PCDH9: variants seen among roughly 807,000 people sequenced by gnomAD.
PCDH9 encodes protocadherin-9.
PCDH9 carries 24 observed loss-of-function variants against 70.6 expected under a neutral mutation model. The ratio of observed to expected loss-of-function variants is 0.34; its 90% CI spans 0.25 to 0.48. The LOEUF is 0.48. Ranked by LOEUF, PCDH9 falls within the 20% of genes least tolerant of loss-of-function variation. PCDH9 has a pLI of 0.99. For missense variants in PCDH9, 1,281 were observed against 1,503.6 expected, an observed-to-expected ratio of 0.85 and a Z score of 2.45; for synonymous variants, 562 against 558.5, an observed-to-expected ratio of 1.01 and a Z score of -0.09.
intron 4 of PCDH9, among the ~76,000 whole-genome samples, chr13:66,459,769 A>C (rs1958388473): frequency 6.6e-6 from 1 of 151,986 alleles, no homozygotes. Context: ...GCATCTAATA[A>C]ATATCTGCAT....
At chr13:66,839,517 G>A (rs957395848) in intron 3 of PCDH9, among the ~76,000 whole-genome samples, 4 of 152,204 alleles carry the variant, frequency 2.6e-5, no homozygotes, top group Admixed American at 2.6e-4. Flanking sequence ...CCTGTGCGAT[G>A]GGTACTTGCA....
In PCDH9 at chr13:67,150,366, G is replaced by GTTGGTT; in HGVS notation, c.3036+75038_3036+75039insAACCAA. Among the ~76,000 whole-genome samples, 3 of 152,174 alleles carry GTTGGTT rather than the reference G, an allele frequency of 2.0e-5. 1 individual carries two copies. The South Asian group carries it at 6.2e-4, about 32-fold the overall frequency. On this transcript the variant is annotated intron_variant, in intron 2 of 4. Coordinates refer to ENST00000377865, the MANE Select transcript of PCDH9 (RefSeq NM_203487.3). The stretch of plus-strand genomic sequence containing the variant: ...ATTTGAGTTTTAATCAATACAAAAA[G>GTTGGTT]CCCAAAGTGTTGGTTTCCATACAAG...
chr13:66,754,187 C>CA lies in PCDH9; in HGVS notation c.3139-122777dup, dbSNP rs375974779. ...GAGTTGAACAATGAGAACACATAGGCACAGGGAGGGGAACATCACGCACCT... is the reference window on the plus strand; with the variant it reads ...GAGTTGAACAATGAGAACACATAGGCAACAGGGAGGGGAACATCACGCACCT... On this transcript the variant is annotated intron_variant, in intron 3 of 4. Transcript: ENST00000377865. 5.2e-3 allele frequency among the ~76,000 whole-genome samples: 794 copies of CA among 152,034 alleles called. 6 individuals carry two copies. Among genetic ancestry groups the CA allele is most frequent in the African/African-American group, 0.019 (775 of 41,480 alleles).
intron 2 of PCDH9, among the ~76,000 whole-genome samples, chr13:67,176,715 A>C (rs1326885525): frequency 6.6e-6 from 1 of 152,148 alleles, no homozygotes; most frequent in East Asian, 1.9e-4. Flanking sequence ...AATTGTACCC[A>C]TCCCAATACC....
intron 2 of PCDH9, among the ~76,000 whole-genome samples, chr13:66,954,061 T>C (rs1024284633): frequency 6.6e-6 from 1 of 152,202 alleles, no homozygotes. Flanking sequence ...AAGCCTCTGA[T>C]TAGGCAGGGC....
intron 4 of PCDH9, among the ~76,000 whole-genome samples, chr13:66,441,291 C>A (rs1435422644): frequency 6.6e-6 from 1 of 152,056 alleles, no homozygotes; most frequent in African/African-American, 2.4e-5. Context: ...ACCAGTGTTT[C>A]CAAAAATTAC....
chr13:67,117,362 C>G (rs1452152078), intron 2 of PCDH9, among the ~76,000 whole-genome samples: 2 of 152,082 alleles, frequency 1.3e-5, no homozygotes, highest in Non-Finnish European at 2.9e-5. Flanking sequence ...CCCTTTCAGC[C>G]TTAAGGATCT....
intron 3 of PCDH9, among the ~76,000 whole-genome samples, chr13:66,834,243 C>T (rs1054221727): frequency 2.7e-5 from 4 of 150,674 alleles, no homozygotes; most frequent in South Asian, 2.1e-4. Context: ...CTGCAAACTC[C>T]GTCCCCCGAG....
chr13:67,128,029 G>C (rs1170154296), intron 2 of PCDH9, among the ~76,000 whole-genome samples: 1 of 152,096 alleles, frequency 6.6e-6, no homozygotes, highest in East Asian at 1.9e-4. Context: ...TAGCTTGTTA[G>C]ATAAGCTCTG....
At chr13:66,690,590 T>C (rs375500946) in intron 3 of PCDH9, among the ~76,000 whole-genome samples, 17 of 152,202 alleles carry the variant, frequency 1.1e-4, no homozygotes, top group Non-Finnish European at 4.4e-5. Context: ...GCTCTAACCA[T>C]AGCACACGTG....
chr13:67,216,637 G>T (rs1057058148), intron 2 of PCDH9: 5 of 132,148 alleles, frequency 3.8e-5, no homozygotes, highest in African/African-American at 1.4e-4. Context: ...AGCAAGAAAG[G>T]ACACATCATA....
chr13:66,975,210 A>G (rs971641149), intron 2 of PCDH9, among the ~76,000 whole-genome samples: 6 of 152,014 alleles, frequency 3.9e-5, no homozygotes, highest in Non-Finnish European at 7.4e-5. Flanking sequence ...AGAAATCTAA[A>G]TGACCTCAAA....
rs941504163 is a variant in PCDH9, at chr13:66,693,924, T to C, written c.3139-62513A>G. ...TATATTACAAGTCTTCAGCTACACA[T>C]TATCTCACAACTATAAGGTTGAAAT... On this transcript the variant is annotated intron_variant, in intron 3 of 4. Coordinates refer to ENST00000377865, the MANE Select transcript of PCDH9 (RefSeq NM_203487.3). Among the ~76,000 whole-genome samples, 11 of 152,278 alleles carry C rather than the reference T, an allele frequency of 7.2e-5. No individual in the cohort carries two copies. The East Asian group carries it at 2.1e-3, about 29-fold the overall frequency.
chr13:66,907,857 T>G (rs1471112554), intron 2 of PCDH9, among the ~76,000 whole-genome samples: 1 of 152,180 alleles, frequency 6.6e-6, no homozygotes, highest in Non-Finnish European at 1.5e-5. Flanking sequence ...TCAATAGCAC[T>G]TTCATAGAAG....
rs140950021 is a variant in PCDH9 at position 67,133,237 on chromosome 13, C to T, written c.3036+92168G>A. 1.5e-3 allele frequency among the ~76,000 whole-genome samples: 223 copies of T among 152,214 alleles called. 1 individual carries two copies. Among genetic ancestry groups the T allele is most frequent in the African/African-American group, 3.5e-3 (146 of 41,548 alleles). On this transcript the variant is annotated intron_variant, in intron 2 of 4. Coordinates refer to ENST00000377865, the MANE Select transcript of PCDH9 (RefSeq NM_203487.3). ...AAAAGAAGGGCACAGTAAGCCACTTCATAATTTTGATGGGCCTTAAACTGG... is the reference window on the plus strand; with the variant it reads ...AAAAGAAGGGCACAGTAAGCCACTTTATAATTTTGATGGGCCTTAAACTGG...
chr13:66,512,788 C>T (rs1418490412), intron 4 of PCDH9, among the ~76,000 whole-genome samples: 1 of 151,740 alleles, frequency 6.6e-6, no homozygotes, highest in Non-Finnish European at 1.5e-5. Context: ...CTCATTCTTT[C>T]ATTCTTTTCT....
rs1315204298 is a variant in PCDH9 at position 66,306,506 on chromosome 13, A to G, written c.3341-1478T>C. ...CCACTATACAATCATCCACGTAACC[A>G]AAAACCACTTGTACCCCAAAAACTA... is the stretch of plus-strand genomic sequence containing the variant. On this transcript the variant is annotated intron_variant, in intron 4 of 4. Coordinates refer to ENST00000377865, the MANE Select transcript of PCDH9 (RefSeq NM_203487.3). 2.0e-5 allele frequency among the ~76,000 whole-genome samples: 3 copies of G among 151,576 alleles called. No homozygotes were observed. In the Admixed American group the frequency reaches 2.0e-4, roughly 10 times the overall value.
intron 4 of PCDH9, among the ~76,000 whole-genome samples, chr13:66,487,528 T>C (rs1958964470): frequency 6.6e-6 from 1 of 152,198 alleles, no homozygotes; most frequent in African/African-American, 2.4e-5. Flanking sequence ...TTGTAACAAC[T>C]CTTCCATCAC....
At chr13:67,094,717 C>G (rs531815080) in intron 2 of PCDH9, among the ~76,000 whole-genome samples, 3 of 149,390 alleles carry the variant, frequency 2.0e-5, no homozygotes, top group Middle Eastern at 3.4e-3. Context: ...AGACTTTTTT[C>G]AAAAGAAGTA....
Sources: gnomAD v4.1 joint callset for allele counts (sites outside exome capture counted in the v4.1 genomes callset) on GRCh38, gnomAD v4.1.1 for gene constraint, MANE v1.5 for transcripts, NCBI Gene and HGNC (gene_info 2026-07-23, HGNC 2026-07-21) for gene names.